Variants in SLC4A4 observed in about 807,000 individuals in gnomAD.
SLC4A4 encodes the protein electrogenic sodium bicarbonate cotransporter 1.
Under a neutral mutation model 111.5 loss-of-function variants are expected in SLC4A4, and 27 were observed. The ratio of observed to expected loss-of-function variants is 0.24; its 90% confidence interval spans 0.18 to 0.33. The LOEUF (loss-of-function observed/expected upper bound fraction) is 0.33. SLC4A4 is among the 10% of genes least tolerant of loss of function. SLC4A4 has a pLI of 1.00. For missense variants in SLC4A4, 909 were observed against 1,315.5 expected (o/e 0.69, Z 4.78); for synonymous variants, 443 against 463.4 (o/e 0.96, Z 0.57).
chr4:71,158,865 G>A (rs1056774934), intron 2 of SLC4A4, among the ~76,000 whole-genome samples: 1 of 152,140 alleles, frequency 6.6e-6, no homozygotes, highest in African/African-American at 2.4e-5. Flanking sequence ...ACTTCACGGA[G>A]AATGGGATGT....
chr4:71,163,903 T>TATGA (rs1744669872), intron 2 of SLC4A4, among the ~76,000 whole-genome samples: 1 of 152,192 alleles, frequency 6.6e-6, no homozygotes, highest in Non-Finnish European at 1.5e-5. Context: ...TCTTATTAAG[T>TATGA]ATACACTCAT....
At chr4:71,099,266 T>C (rs922085730) in intron 2 of SLC4A4, among the ~76,000 whole-genome samples, 2 of 152,114 alleles carry the variant, frequency 1.3e-5, no homozygotes, top group African/African-American at 2.4e-5. Context: ...TGGACCATAG[T>C]GTGATAAAAA....
chr4:71,250,480 G>A (rs796701225), intron 2 of SLC4A4, among the ~76,000 whole-genome samples: 3 of 152,102 alleles, frequency 2.0e-5, no homozygotes, highest in African/African-American at 7.2e-5. Context: ...GGTGGGGAAA[G>A]GTAGACTTCT....
intron 18 of SLC4A4, among the ~76,000 whole-genome samples, chr4:71,536,966 CCTTT>C (rs1486368178): frequency 6.6e-6 from 1 of 150,482 alleles, no homozygotes; most frequent in Admixed American, 6.6e-5. Flanking sequence ...ATATACATAT[CCTTT>C]CTTATATGTA....
At chr4:71,270,317 T>A (rs1214039340) in intron 3 of SLC4A4, among the ~76,000 whole-genome samples, 2 of 152,136 alleles carry the variant, frequency 1.3e-5, no homozygotes, top group Non-Finnish European at 2.9e-5. Flanking sequence ...CTCGAACTCC[T>A]GACCTCAGGT....
At chr4:71,373,668 A>G (rs567283827) in intron 6 of SLC4A4, among the ~76,000 whole-genome samples, 2 of 152,308 alleles carry the variant, frequency 1.3e-5, no homozygotes, top group Admixed American at 6.5e-5. Flanking sequence ...CGGAGATAGC[A>G]TGGTTAGAAC....
intron 8 of SLC4A4, among the ~76,000 whole-genome samples, chr4:71,441,403 A>G (rs1041717534): frequency 2.0e-5 from 3 of 152,138 alleles, no homozygotes; most frequent in Admixed American, 6.5e-5. Flanking sequence ...TGGGAGTGCA[A>G]TTAGTTGACT....
At chr4:71,538,609 T>G (rs1734772460) in intron 18 of SLC4A4, among the ~76,000 whole-genome samples, 1 of 152,144 alleles carries the variant, frequency 6.6e-6, no homozygotes, top group Non-Finnish European at 1.5e-5. Context: ...TGCTATGAAA[T>G]TGTTTCAAAA....
intron 14 of SLC4A4, among the ~76,000 whole-genome samples, chr4:71,485,713 C>A (rs12498936): frequency 0.55 from 82,871 of 151,350 alleles, 26,394 homozygotes; most frequent in Non-Finnish European, 0.73. Context: ...AGGGCTCAAG[C>A]TAAATATTTT....
intron 24 of SLC4A4, among the ~76,000 whole-genome samples, chr4:71,564,389 C>T (rs1737280409): frequency 6.6e-6 from 1 of 151,810 alleles, no homozygotes; most frequent in South Asian, 2.1e-4. Flanking sequence ...ATTAGTACAA[C>T]TTTCTAGATA....
At chr4:71,273,704 A>G (rs1253643916) in intron 3 of SLC4A4, among the ~76,000 whole-genome samples, 1 of 151,978 alleles carries the variant, frequency 6.6e-6, no homozygotes, top group African/African-American at 2.4e-5. Flanking sequence ...TACAAAACAA[A>G]AAATTGGCAT....
intron 16 of SLC4A4, among the ~76,000 whole-genome samples, chr4:71,516,536 C>T (rs1201660924): frequency 6.6e-6 from 1 of 152,174 alleles, no homozygotes; most frequent in Non-Finnish European, 1.5e-5. Flanking sequence ...TGACCCAGTG[C>T]AAATTCCCAG....
At chr4:71,557,994 G>C (rs1736624872) in intron 22 of SLC4A4, 109 bp downstream of exon 22, 10 of 889,328 alleles carry the variant, frequency 1.1e-5, no homozygotes, top group Non-Finnish European at 1.8e-5. Flanking sequence ...AATTTTTCCA[G>C]CTTTGACCTC....
chr4:71,306,414 C>T (rs1725691083), intron 3 of SLC4A4, among the ~76,000 whole-genome samples: 2 of 152,096 alleles, frequency 1.3e-5, no homozygotes, highest in Non-Finnish European at 2.9e-5. Flanking sequence ...AACCCTGTCT[C>T]TACTAAAAAT....
chr4:71,235,924 A>G, intron 1 of SLC4A4: 1 of 367,430 alleles, frequency 2.7e-6, no homozygotes, highest in Non-Finnish European at 3.8e-6. Flanking sequence ...ATCTGTGTGT[A>G]TTGTCGAAGC....
intron 16 of SLC4A4, among the ~76,000 whole-genome samples, chr4:71,526,938 G>T (rs1452509683): frequency 6.6e-6 from 1 of 152,030 alleles, no homozygotes; most frequent in Non-Finnish European, 1.5e-5. Flanking sequence ...TGATTCTCCT[G>T]CCTCCTTCTT....
intron 2 of SLC4A4, among the ~76,000 whole-genome samples, chr4:71,179,049 C>T (rs1174126401): frequency 6.6e-6 from 1 of 152,194 alleles, no homozygotes; most frequent in South Asian, 2.1e-4. Flanking sequence ...GCTGGTTCAA[C>T]ATATGCAAAT....
chr4:71,423,024 A>G (rs537805513), intron 7 of SLC4A4, among the ~76,000 whole-genome samples: 7 of 152,310 alleles, frequency 4.6e-5, no homozygotes, highest in Admixed American at 3.9e-4. Context: ...AGGGTATTCT[A>G]TTAGGAAAAG....
intron 20 of SLC4A4, among the ~76,000 whole-genome samples, chr4:71,553,092 C>T (rs1421066984): frequency 1.3e-5 from 2 of 151,780 alleles, no homozygotes; most frequent in Non-Finnish European, 1.5e-5. Flanking sequence ...GTTGCATTAT[C>T]ATAAGGAAAA....
Sources: gnomAD v4.1 joint callset for allele counts (sites outside exome capture counted in the v4.1 genomes callset) on GRCh38, gnomAD v4.1.1 for gene constraint, MANE v1.5 for transcripts, NCBI Gene and HGNC (gene_info 2026-07-23, HGNC 2026-07-21) for gene names.